The following GAS2 variants were observed in gnomAD, a reference collection of about 807,000 sequenced individuals.
GAS2 encodes the protein growth arrest specific 2.
GAS2 carries 20 observed loss-of-function variants against 37.5 expected under a neutral mutation model. The ratio of observed to expected loss-of-function variants is 0.53; its 90% CI spans 0.37 to 0.77. The LOEUF is 0.77. Ranked by LOEUF, GAS2 falls within the 30% of genes least tolerant of loss-of-function variation. GAS2 has a pLI of 0.00. For synonymous variants in GAS2, 144 were observed against 132.2 expected, an observed-to-expected ratio of 1.09 and a Z score of -0.61; for missense variants, 336 against 373.4, an observed-to-expected ratio of 0.90 and a Z score of 0.82.
intron 7 of GAS2, among the ~76,000 whole-genome samples, chr11:22,770,470 T>C (rs1056637981): frequency 3.9e-5 from 6 of 152,214 alleles, no homozygotes; most frequent in Non-Finnish European, 7.3e-5. Flanking sequence ...AGTTTTACAC[T>C]GAAATTAAAC....
intron 4 of GAS2, among the ~76,000 whole-genome samples, chr11:22,729,386 G>A (rs1255655047): frequency 6.6e-6 from 1 of 151,834 alleles, no homozygotes; most frequent in Non-Finnish European, 1.5e-5. Context: ...GGTGAGGGAA[G>A]GTGTGCAAGC....
chr11:22,738,358 T>C (rs1004307832), intron 5 of GAS2, among the ~76,000 whole-genome samples: 1 of 152,190 alleles, frequency 6.6e-6, no homozygotes, highest in African/African-American at 2.4e-5. Flanking sequence ...ATTTCAGAAA[T>C]CATAGCTAAA....
intron 7 of GAS2, among the ~76,000 whole-genome samples, chr11:22,760,313 A>G (rs1349528074): frequency 6.6e-6 from 1 of 151,914 alleles, no homozygotes; most frequent in East Asian, 1.9e-4. Flanking sequence ...ATGGCCAAAG[A>G]TTAGCAGCAT....
At chr11:22,764,867 G>A (rs10734321) in intron 7 of GAS2, among the ~76,000 whole-genome samples, 111,968 of 152,156 alleles carry the variant, frequency 0.74, 42,383 homozygotes, top group Middle Eastern at 0.88. Context: ...CACTTGACCT[G>A]ATAAGCATTC....
At chr11:22,805,681 G>C (rs1856850876) in intron 7 of GAS2, among the ~76,000 whole-genome samples, 1 of 152,166 alleles carries the variant, frequency 6.6e-6, no homozygotes, top group South Asian at 2.1e-4. Context: ...TAAGTCCACA[G>C]AGTAAAGTGA....
chr11:22,674,252 A>T (rs902660862), intron 1 of GAS2, among the ~76,000 whole-genome samples: 4 of 150,294 alleles, frequency 2.7e-5, no homozygotes, highest in African/African-American at 7.4e-5. Context: ...GGTTTCTTTG[A>T]CTGCAAGAGA....
intron 1 of GAS2, among the ~76,000 whole-genome samples, chr11:22,653,820 A>C (rs1848825627): frequency 6.6e-6 from 1 of 152,228 alleles, no homozygotes; most frequent in Admixed American, 6.5e-5. Flanking sequence ...TCAATAGAGC[A>C]TAATAAAAGA....
In GAS2 at chr11:22,779,713, CAA is replaced by C. The variant is rs11292924; in HGVS notation, c.723+23770_723+23771del. On this transcript the variant is annotated intron_variant, in intron 7 of 7. Transcript: ENST00000454584. ...AAACTCCGTGTCAAAAAACAAAAAA[CAA>C]AAAAAAAAACCAAACAAACAAAAAG... 4.0e-4 allele frequency among the ~76,000 whole-genome samples: 60 copies of C among 149,710 alleles called. 1 individual carries two copies. Among genetic ancestry groups the C allele is most frequent in the African/African-American group, 8.1e-4 (33 of 40,844 alleles).
At position 22,720,278 on chromosome 11, in the gene GAS2, C is replaced by A. The variant is rs337441; in HGVS notation, c.268-6014C>A. Among the ~76,000 whole-genome samples, 132 of 151,970 alleles carry A rather than the reference C, an allele frequency of 8.7e-4. 3 individuals are homozygous for A. The highest frequency in any genetic ancestry group is 3.2e-3 in the African/African-American group (131 of 41,396). On this transcript the variant is annotated intron_variant, in intron 3 of 7. Coordinates refer to ENST00000454584, the MANE Select transcript of GAS2 (RefSeq NM_001143830.3). ...GAATTTATCTTGGAGAGGGAGAAAG[C>A]AGAAAGGGTCAATTTTGGATTCAAG...
intron 1 of GAS2, among the ~76,000 whole-genome samples, chr11:22,660,689 C>G (rs965473361): frequency 3.9e-5 from 6 of 152,190 alleles, no homozygotes; most frequent in African/African-American, 1.4e-4. Context: ...ATTTACTATG[C>G]CTATTCCTTG....
At chr11:22,779,706 CAAAAAACA>C (rs1388661208) in intron 7 of GAS2, among the ~76,000 whole-genome samples, 2 of 22,444 alleles carry the variant, frequency 8.9e-5, no homozygotes, top group South Asian at 4.2e-3. Context: ...TGTCAAAAAA[CAAAAAACA>C]AAAAAAAAAA....
chr11:22,764,473 T>C (rs533402945), intron 7 of GAS2, among the ~76,000 whole-genome samples: 5 of 144,160 alleles, frequency 3.5e-5, no homozygotes, highest in Non-Finnish European at 7.4e-5. Flanking sequence ...GTCAGGAGAA[T>C]GGCGTGAGCC....
At chr11:22,677,061 G>A (rs1255679851) in intron 2 of GAS2, among the ~76,000 whole-genome samples, 6 of 152,072 alleles carry the variant, frequency 3.9e-5, no homozygotes, top group African/African-American at 1.4e-4. Context: ...AATAAACATA[G>A]TACCTATTCT....
chr11:22,800,309 G>A (rs1856606808), intron 7 of GAS2, among the ~76,000 whole-genome samples: 2 of 152,094 alleles, frequency 1.3e-5, no homozygotes, highest in Admixed American at 1.3e-4. Flanking sequence ...TGGGGATGCT[G>A]ATGTCCTCCC....
intron 7 of GAS2, among the ~76,000 whole-genome samples, chr11:22,785,750 A>G (rs915978333): frequency 6.6e-6 from 1 of 152,152 alleles, no homozygotes; most frequent in African/African-American, 2.4e-5. Flanking sequence ...ATTGTTTTCT[A>G]GTGTCCTCTT....
At chr11:22,676,487 C>T (rs1023884079) in intron 2 of GAS2, among the ~76,000 whole-genome samples, 1 of 152,128 alleles carries the variant, frequency 6.6e-6, no homozygotes. Flanking sequence ...CCTACCTCTG[C>T]CACTTGCTAG....
At chr11:22,708,252 G>A (rs1019004139) in intron 3 of GAS2, among the ~76,000 whole-genome samples, 1 of 152,100 alleles carries the variant, frequency 6.6e-6, no homozygotes, top group Non-Finnish European at 1.5e-5. Flanking sequence ...AGATATGTAG[G>A]TGGATATTAT....
intron 3 of GAS2, among the ~76,000 whole-genome samples, chr11:22,697,660 G>T (rs1479070334): frequency 6.6e-6 from 1 of 152,024 alleles, no homozygotes; most frequent in Non-Finnish European, 1.5e-5. Flanking sequence ...GGTCCTTCAC[G>T]TCCCTTGTAA....
chr11:22,691,967 GT>G (rs567851054), intron 3 of GAS2, among the ~76,000 whole-genome samples: 5 of 150,318 alleles, frequency 3.3e-5, no homozygotes, highest in Admixed American at 2.7e-4. Context: ...AATGTTTTTT[GT>G]TTTTTTTTCC....
Sources: gnomAD v4.1 joint callset for allele counts (sites outside exome capture counted in the v4.1 genomes callset) on GRCh38, gnomAD v4.1.1 for gene constraint, MANE v1.5 for transcripts, NCBI Gene and HGNC (gene_info 2026-07-23, HGNC 2026-07-21) for gene names.